The following FCGR2B variants were observed in gnomAD, a reference collection of about 807,000 sequenced individuals.
The protein encoded by FCGR2B is low affinity immunoglobulin gamma Fc region receptor II-b.
Under a neutral mutation model 24.8 loss-of-function variants are expected in FCGR2B, and 18 were observed. The ratio of observed to expected loss-of-function variants is 0.73; its 90% CI spans 0.50 to 1.08. The LOEUF is 1.08. Among genes scored for constraint, FCGR2B ranks in the 50% least tolerant of loss-of-function variants. The pLI is 0.00. For synonymous variants in FCGR2B, 79 were observed against 109.8 expected (o/e 0.72, Z 1.75); for missense variants, 215 against 297.6 (o/e 0.72, Z 2.04).
chr1:161,674,390 T>A (rs1434411366), intron 5 of FCGR2B: 5 of 361,062 alleles, frequency 1.4e-5, no homozygotes, highest in Non-Finnish European at 2.7e-5. Context: ...GATAGGGACA[T>A]GAAAAGCCTA....
chr1:161,652,297 T>TA, the FCGR2B span, among the ~76,000 whole-genome samples: 1 of 133,840 alleles, frequency 7.5e-6, no homozygotes, highest in South Asian at 2.7e-4. Context: ...TCTTTTTTTT[T>TA]ACTCCTTGAA....
In FCGR2B at chr1:161,671,473, G is replaced by C. The variant is rs376821560; in HGVS notation, c.215G>C (p.Arg72Pro). The change falls in exon 3 of 8, where the codon CGG (arginine) becomes CCG (proline). Residue 72 changes from arginine (R) to proline (P), a missense_variant. Arg to Pro is a moderately radical substitution (Grantham distance 103). Transcript: ENST00000358671. ...LQEDSVTLTCRGTHSPESDSI... is the reference protein window; with the variant it reads ...LQEDSVTLTCPGTHSPESDSI... ...GAGGACTCTGTGACTCTGACATGCC[G>C]GGGGACTCACAGCCCTGAGAGCGAC... 1.2e-6 allele frequency: 2 copies of C among 1,614,174 alleles called. No homozygotes were observed. Among genetic ancestry groups the C allele is most frequent in the Non-Finnish European group, 1.7e-6 (2 of 1,180,038 alleles).
the FCGR2B span, among the ~76,000 whole-genome samples, chr1:161,650,731 T>A: frequency 8.5e-6 from 1 of 116,972 alleles, no homozygotes; most frequent in Admixed American, 9.1e-5. Flanking sequence ...GGATCACGTT[T>A]CTTAGCCCTT....
At chr1:161,653,370 C>A in the FCGR2B span, among the ~76,000 whole-genome samples, 2 of 131,588 alleles carry the variant, frequency 1.5e-5, no homozygotes, top group Non-Finnish European at 3.4e-5. Context: ...CCCACCACTG[C>A]ACTCCAGCCT....
chr1:161,671,655 T>C lies in FCGR2B; in HGVS notation c.391+6T>C. 1 of 1,612,876 alleles carries C rather than the reference T, an allele frequency of 6.2e-7. No individual in the cohort carries two copies. Among genetic ancestry groups the C allele is most frequent in the South Asian group, 1.1e-5 (1 of 91,056 alleles). On this transcript the variant is annotated splice_donor_region_variant and intron_variant, in intron 3 of 7. Coordinates refer to ENST00000358671, the MANE Select transcript of FCGR2B (RefSeq NM_001394477.1). ...GCATCTGACTGTGCTTTCTGGTCAGTGGAGGAAGGCCCCAGGGTGGACCTG... is the reference window on the plus strand; with the variant it reads ...GCATCTGACTGTGCTTTCTGGTCAGCGGAGGAAGGCCCCAGGGTGGACCTG...
intron 6 of FCGR2B, 183 bp from the exon 7 acceptor site, chr1:161,677,145 G>T (rs1682215593): frequency 3.1e-6 from 2 of 635,896 alleles, no homozygotes; most frequent in East Asian, 2.9e-5. Flanking sequence ...CTGTGGCTGG[G>T]CTACCCTATG....
chr1:161,653,957 T>A, the FCGR2B span, among the ~76,000 whole-genome samples: 1 of 129,150 alleles, frequency 7.7e-6, no homozygotes, highest in African/African-American at 2.6e-5. Context: ...GAAGACAGCT[T>A]TAGACACCCC....
the FCGR2B span, among the ~76,000 whole-genome samples, chr1:161,649,418 A>C: frequency 6.6e-6 from 1 of 151,074 alleles, no homozygotes; most frequent in Admixed American, 6.6e-5. Flanking sequence ...AAAGAATGGA[A>C]GTTCATTTCT....
chr1:161,653,091 A>C, the FCGR2B span, among the ~76,000 whole-genome samples: 1 of 134,328 alleles, frequency 7.4e-6, no homozygotes, highest in African/African-American at 2.6e-5. Flanking sequence ...TTGCCTTTGC[A>C]GAATATATAT....
intron 3 of FCGR2B, chr1:161,672,598 C>G (rs987053735): frequency 9.0e-6 from 3 of 332,202 alleles, no homozygotes; most frequent in Non-Finnish European, 1.6e-5. Context: ...CTTCCCTCCT[C>G]GACATGGAAG....
Position 161,669,605 on chromosome 1 carries a change from A to G in FCGR2B, c.113-647A>G, listed in dbSNP as rs547520490. On this transcript the variant is annotated intron_variant, in intron 1 of 7. Transcript: ENST00000358671. ...AAAATAAAATAAAATAAAATAAAAT[A>G]AAATAAAATAAAATAAAATGACAAC... 7.0e-5 allele frequency among the ~76,000 whole-genome samples: 10 copies of G among 142,556 alleles called. 1 individual carries two copies. Among genetic ancestry groups the G allele is most frequent in the African/African-American group, 2.5e-4 (10 of 40,254 alleles). 93.5% of individuals were successfully genotyped at this position (142,556 alleles called of 152,430 possible). A position where few individuals can be genotyped will look rare whatever the true frequency, so the allele number is the denominator to read the frequency against.
intron 6 of FCGR2B, chr1:161,677,022 A>G (rs1432697786): frequency 4.6e-6 from 2 of 438,406 alleles, no homozygotes; most frequent in East Asian, 4.7e-5. Context: ...CTCTTCCCCA[A>G]TATCTCAGAT....
At chr1:161,649,932 TC>T in the FCGR2B span, among the ~76,000 whole-genome samples, 1 of 150,440 alleles carries the variant, frequency 6.6e-6, no homozygotes. Context: ...AAGGATTTTG[TC>T]TTAGTAGATC....
At chr1:161,669,136 T>C (rs1016412309) in intron 1 of FCGR2B, among the ~76,000 whole-genome samples, 3 of 140,360 alleles carry the variant, frequency 2.1e-5, no homozygotes, top group African/African-American at 7.5e-5. Flanking sequence ...AAGTCACAGA[T>C]CTAGTGCCCT....
At chr1:161,671,821 GA>G in intron 3 of FCGR2B, 172 bp downstream of exon 3, 1 of 1,365,764 alleles carries the variant, frequency 7.3e-7, no homozygotes, top group Middle Eastern at 2.5e-4. Flanking sequence ...TTGAACAGAA[GA>G]AGGTTTCAAG....
chr1:161,674,379 T>C (rs1328105888), intron 5 of FCGR2B: 6 of 352,364 alleles, frequency 1.7e-5, no homozygotes, highest in Non-Finnish European at 3.3e-5. Context: ...ATAAGAGCAA[T>C]GATAGGGACA....
the FCGR2B span, among the ~76,000 whole-genome samples, chr1:161,647,958 G>A: frequency 6.6e-6 from 1 of 150,956 alleles, no homozygotes; most frequent in Non-Finnish European, 1.5e-5. Context: ...GTGAACAACA[G>A]TTTAGCTATG....
the FCGR2B span, among the ~76,000 whole-genome samples, chr1:161,650,540 T>C: frequency 6.8e-6 from 1 of 147,730 alleles, no homozygotes. Context: ...AGCAGCTTTC[T>C]TGGCCTCCAC....
chr1:161,647,297 C>CTTTTTTTTT, the FCGR2B span, among the ~76,000 whole-genome samples: 11 of 122,544 alleles, frequency 9.0e-5, no homozygotes, highest in African/African-American at 3.3e-4. Flanking sequence ...GCTCTGGACT[C>CTTTTTTTTT]TTTTTTTTTT....
Sources: allele counts gnomAD v4.1 joint callset (sites outside exome capture counted in the v4.1 genomes callset), GRCh38; gene constraint gnomAD v4.1.1; transcripts MANE v1.5; gene names NCBI Gene and HGNC (gene_info 2026-07-23, HGNC 2026-07-21).